PTPN3: variants seen among roughly 807,000 people sequenced by gnomAD.
PTPN3 encodes the protein protein tyrosine phosphatase non-receptor type 3.
Under a neutral mutation model 132.7 loss-of-function variants are expected in PTPN3, and 96 were observed. The ratio of observed to expected loss-of-function variants is 0.72; its 90% CI spans 0.61 to 0.86. The LOEUF is 0.86. Ranked by LOEUF, PTPN3 falls within the 40% of genes least tolerant of loss-of-function variation. The probability of loss-of-function intolerance (pLI) is 0.00; values close to 1 mark genes in which losing one functional copy is unlikely to be tolerated. For synonymous variants in PTPN3, 398 were observed against 429.0 expected (o/e 0.93, Z 0.89); for missense variants, 1,125 against 1,159.6 (o/e 0.97, Z 0.43).
At chr9:109,533,126 ATTTTTTTTTTTTTT>A in the PTPN3 span, among the ~76,000 whole-genome samples, 42 of 36,558 alleles carry the variant, frequency 1.1e-3, no homozygotes, top group African/African-American at 5.1e-3. Context: ...TACCTGGCTA[ATTTTTTTTTTTTTT>A]TTTTTTTTTT....
chr9:109,432,769 T>C (rs1843755882), intron 10 of PTPN3, among the ~76,000 whole-genome samples: 1 of 152,246 alleles, frequency 6.6e-6, no homozygotes. Context: ...CTCTGAATTC[T>C]GACCAATGTA....
At chr9:109,507,670 T>C in the PTPN3 span, among the ~76,000 whole-genome samples, 1 of 152,220 alleles carries the variant, frequency 6.6e-6, no homozygotes, top group African/African-American at 2.4e-5. Context: ...AAGGAATCTG[T>C]GTTCAGCCAG....
intron 6 of PTPN3, 145 bp downstream of exon 6, chr9:109,448,666 T>C: frequency 2.6e-6 from 2 of 757,602 alleles, no homozygotes; most frequent in East Asian, 2.8e-5. Context: ...TAAAAACAGA[T>C]GTCCAAAGCC....
chr9:109,463,414 C>T lies in PTPN3; in HGVS notation c.21G>A (p.Ala7=), dbSNP rs764644788. The T allele has an allele frequency of 1.7e-5, 28 of 1,610,214 alleles. No individual in the cohort carries two copies. The highest frequency in any genetic ancestry group is 8.9e-5 in the South Asian group (8 of 89,784). The stretch of plus-strand genomic sequence containing the variant: ...GTATATTATTAATTCTTCCACCCAA[C>T]GCACGTAACCGGGAGGTCATAACTA... MTSRLR[A]LGGRINNIRT... Residue 7 remains alanine, a synonymous_variant, in exon 2 of 26, where the codon GCG becomes GCA. Coordinates refer to ENST00000374541, the MANE Select transcript of PTPN3 (RefSeq NM_002829.4).
intron 5 of PTPN3, chr9:109,450,987 C>T (rs1386864717): frequency 1.0e-6 from 1 of 983,024 alleles, no homozygotes; most frequent in Non-Finnish European, 1.2e-6. Context: ...GGTAAGATAA[C>T]TATGTTCCAG....
At chr9:109,416,847 A>G (rs1842542986) in intron 14 of PTPN3, among the ~76,000 whole-genome samples, 1 of 152,222 alleles carries the variant, frequency 6.6e-6, no homozygotes, top group African/African-American at 2.4e-5. Flanking sequence ...TTATGCAGGC[A>G]TGAAGCCCCA....
chr9:109,459,802 G>A (rs759506687), intron 2 of PTPN3, among the ~76,000 whole-genome samples: 1 of 152,074 alleles, frequency 6.6e-6, no homozygotes, highest in Non-Finnish European at 1.5e-5. Flanking sequence ...CTCCTGCTGG[G>A]ATTCTCAGAC....
upstream of PTPN3, among the ~76,000 whole-genome samples, chr9:109,499,390 G>T (rs571806913): frequency 6.6e-6 from 1 of 152,254 alleles, no homozygotes; most frequent in South Asian, 2.1e-4. Context: ...AACAGCCAGT[G>T]CCAAGACCCA....
At chr9:109,413,108 G>C (rs1842203935) in intron 14 of PTPN3, among the ~76,000 whole-genome samples, 1 of 150,390 alleles carries the variant, frequency 6.6e-6, no homozygotes, top group Non-Finnish European at 1.5e-5. Flanking sequence ...ACCAATGCCT[G>C]GCTAATTTTT....
chr9:109,530,948 C>T, the PTPN3 span, among the ~76,000 whole-genome samples: 2 of 152,118 alleles, frequency 1.3e-5, no homozygotes, highest in African/African-American at 4.8e-5. Flanking sequence ...TATGGGTTCT[C>T]TATAAATTCT....
At chr9:109,496,171 T>C (rs1847659626) in intron 1 of PTPN3, among the ~76,000 whole-genome samples, 2 of 152,272 alleles carry the variant, frequency 1.3e-5, no homozygotes, top group South Asian at 4.1e-4. Context: ...AGGCACGTTC[T>C]ATTCTACTCT....
rs1015472740 is a variant in PTPN3 at position 109,389,304 on chromosome 9, A to T, written c.2182T>A (p.Phe728Ile). 1.2e-6 allele frequency: 2 copies of T among 1,614,134 alleles called. No individual in the cohort carries two copies. Among genetic ancestry groups the T allele is most frequent in the Admixed American group, 3.3e-5 (2 of 60,022 alleles). ...TTCTGATCCCAGACAACCTGCCAAA[A>T]CTGTGCACAGGTATGCGGCAGGGGC... ...QGPLPHTCAQ[F>I]WQVVWDQKLS... Residue 728 changes from phenylalanine (F) to isoleucine (I), a missense_variant, in exon 22 of 26, where the codon TTT (phenylalanine) becomes ATT (isoleucine). By Grantham distance (21) the Phe-to-Ile change is conservative (BLOSUM62 0). Coordinates refer to ENST00000374541, the MANE Select transcript of PTPN3 (RefSeq NM_002829.4).
At chr9:109,502,895 A>G (rs1391399839), upstream of PTPN3, among the ~76,000 whole-genome samples, 3 of 152,216 alleles carry the variant, frequency 2.0e-5, no homozygotes, top group East Asian at 3.8e-4. Flanking sequence ...CAAAAACTAG[A>G]AAAACTGCAC....
At chr9:109,511,321 A>G in the PTPN3 span, among the ~76,000 whole-genome samples, 1 of 152,170 alleles carries the variant, frequency 6.6e-6, no homozygotes, top group Non-Finnish European at 1.5e-5. Context: ...AAGTGAGAAG[A>G]TACACAAAGA....
intron 1 of PTPN3, among the ~76,000 whole-genome samples, chr9:109,490,475 C>T (rs1042100587): frequency 3.3e-5 from 5 of 151,988 alleles, no homozygotes; most frequent in African/African-American, 7.2e-5. Context: ...TGGTGGCTCA[C>T]GCCTGTAATC....
At chr9:109,532,943 GGTTT>G in the PTPN3 span, 7 of 598,806 alleles carry the variant, frequency 1.2e-5, no homozygotes, top group South Asian at 6.9e-5. Flanking sequence ...TTCTTTTCTG[GGTTT>G]TTTTTTTTTT....
intron 19 of PTPN3, among the ~76,000 whole-genome samples, chr9:109,398,400 T>C (rs781425062): frequency 3.9e-5 from 6 of 152,228 alleles, no homozygotes; most frequent in Non-Finnish European, 8.8e-5. Context: ...TTTATAATTA[T>C]CACAGGAGCC....
At chr9:109,462,227 C>T (rs941463618) in intron 2 of PTPN3, among the ~76,000 whole-genome samples, 1 of 152,212 alleles carries the variant, frequency 6.6e-6, no homozygotes, top group South Asian at 2.1e-4. Context: ...AGGGAGACGT[C>T]TGCAGCCAAG....
chr9:109,513,082 C>T, the PTPN3 span, among the ~76,000 whole-genome samples: 1 of 152,232 alleles, frequency 6.6e-6, no homozygotes, highest in Non-Finnish European at 1.5e-5. Context: ...AAACACGGCT[C>T]ACTGCAGCCT....
Sources: allele counts gnomAD v4.1 joint callset (sites outside exome capture counted in the v4.1 genomes callset), GRCh38; gene constraint gnomAD v4.1.1; transcripts MANE v1.5; gene names NCBI Gene and HGNC (gene_info 2026-07-23, HGNC 2026-07-21).